Variants in MAGI2 observed in about 807,000 individuals in gnomAD.
The protein encoded by MAGI2 is membrane-associated guanylate kinase, WW and PDZ domain-containing protein 2.
A neutral mutation model predicts 133.3 loss-of-function variants in MAGI2; 35 were observed. The observed-to-expected ratio is 0.26, with a 90% CI of 0.20 to 0.35. MAGI2 has a LOEUF of 0.35. Ranked by LOEUF, MAGI2 falls within the 10% of genes least tolerant of loss-of-function variation. The pLI is 1.00. For missense variants in MAGI2, 1,636 were observed against 1,863.4 expected, an observed-to-expected ratio of 0.88 and a Z score of 2.25; for synonymous variants, 729 against 710.6, an observed-to-expected ratio of 1.03 and a Z score of -0.41.
At position 78,216,309 on chromosome 7, in the gene MAGI2, G is replaced by A. The variant is rs549029501; in HGVS notation, c.2048-15116C>T. ...ACTGTCAGGTCCTGCCTGGCCTACTGCAGCCAACCTACCTGCCTCCTGCTC... is the reference window on the plus strand; with the variant it reads ...ACTGTCAGGTCCTGCCTGGCCTACTACAGCCAACCTACCTGCCTCCTGCTC... On this transcript the variant is annotated intron_variant, in intron 10 of 21. Coordinates refer to ENST00000354212, the MANE Select transcript of MAGI2 (RefSeq NM_012301.4). Among the ~76,000 whole-genome samples, 14 of 152,328 alleles carry A rather than the reference G, an allele frequency of 9.2e-5. No homozygotes were observed. The South Asian group carries it at 2.9e-3, about 32-fold the overall frequency.
intron 6 of MAGI2, among the ~76,000 whole-genome samples, chr7:78,435,779 C>G (rs904984513): frequency 6.6e-6 from 1 of 152,048 alleles, no homozygotes; most frequent in South Asian, 2.1e-4. Flanking sequence ...AAATCTGGAG[C>G]CCAGAAAACA....
chr7:78,850,068 T>C (rs17390355), intron 2 of MAGI2, among the ~76,000 whole-genome samples: 9,610 of 152,184 alleles, frequency 0.063, 373 homozygotes, highest in Middle Eastern at 0.1. Flanking sequence ...ATAAATTGTA[T>C]AGATGCTTGT....
intron 3 of MAGI2, chr7:78,616,116 C>G (rs1807057298): frequency 6.6e-6 from 1 of 152,184 alleles, no homozygotes; most frequent in African/African-American, 2.4e-5. Flanking sequence ...TAATAAATCC[C>G]AAGTCCCACA....
chr7:79,168,885 G>T, intron 1 of MAGI2, among the ~76,000 whole-genome samples: 1 of 138,854 alleles, frequency 7.2e-6, no homozygotes, highest in South Asian at 2.5e-4. Context: ...TCTTTCTAAA[G>T]ATAGATATAT....
chr7:79,122,284 T>C (rs770617658), intron 1 of MAGI2, among the ~76,000 whole-genome samples: 3 of 152,162 alleles, frequency 2.0e-5, no homozygotes, highest in Non-Finnish European at 4.4e-5. Context: ...CAGCCATACC[T>C]CTACACATGT....
intron 2 of MAGI2, among the ~76,000 whole-genome samples, chr7:78,772,660 C>T (rs114967478): frequency 8.7e-4 from 132 of 152,294 alleles, no homozygotes; most frequent in African/African-American, 2.9e-3. Context: ...ACTGTTCTTG[C>T]TGGCTTTGTA....
rs1486194979 is a variant in MAGI2 at position 79,324,618 on chromosome 7, T to A, written c.301+128402A>T. Among the ~76,000 whole-genome samples the A allele has an allele frequency of 3.3e-5, 3 of 90,058 alleles. 1 individual carries two copies. Among genetic ancestry groups the A allele is most frequent in the African/African-American group, 1.4e-4 (3 of 21,054 alleles). 59.1% of individuals were successfully genotyped at this position (90,058 alleles called of 152,430 possible). Reference sequence around the variant, plus strand: ...ACAATATATATATAAAAAATATATATAATATATATATTATATATATATAAA... The same window carrying A: ...ACAATATATATATAAAAAATATATAAAATATATATATTATATATATATAAA... On this transcript the variant is annotated intron_variant, in intron 1 of 21. Transcript: ENST00000354212.
chr7:78,891,012 T>G (rs941286856), intron 2 of MAGI2, among the ~76,000 whole-genome samples: 1 of 151,366 alleles, frequency 6.6e-6, no homozygotes, highest in African/African-American at 2.4e-5. Context: ...GAGAGAAGAA[T>G]CAAATAGATG....
chr7:78,565,484 AAAAAG>A (rs1276943542), intron 3 of MAGI2, among the ~76,000 whole-genome samples: 5 of 152,032 alleles, frequency 3.3e-5, no homozygotes, highest in African/African-American at 1.2e-4. Flanking sequence ...TAAAAAAAAA[AAAAAG>A]ATAAGAATTA....
chr7:78,390,269 C>T (rs1305727074), intron 6 of MAGI2, among the ~76,000 whole-genome samples: 2 of 152,098 alleles, frequency 1.3e-5, no homozygotes, highest in Non-Finnish European at 2.9e-5. Context: ...CAATAGAAAA[C>T]TCAAGAAAAT....
intron 15 of MAGI2, among the ~76,000 whole-genome samples, chr7:78,162,276 A>T (rs1040058205): frequency 1.3e-5 from 2 of 151,932 alleles, no homozygotes; most frequent in Non-Finnish European, 2.9e-5. Flanking sequence ...CTGTAATCCC[A>T]GCACTTTGGG....
intron 1 of MAGI2, among the ~76,000 whole-genome samples, chr7:79,227,870 T>C (rs1298355957): frequency 2.0e-5 from 3 of 152,228 alleles, no homozygotes; most frequent in Admixed American, 6.5e-5. Context: ...CTTCCTATCT[T>C]TCCTGTTCTT....
chr7:78,242,870 G>A (rs2150911889), intron 10 of MAGI2, among the ~76,000 whole-genome samples: 1 of 152,134 alleles, frequency 6.6e-6, no homozygotes, highest in Middle Eastern at 3.4e-3. Flanking sequence ...TTGAGCTAAG[G>A]AGTTCAAGAC....
At chr7:78,497,643 A>G (rs747919059) in intron 5 of MAGI2, among the ~76,000 whole-genome samples, 3 of 152,174 alleles carry the variant, frequency 2.0e-5, no homozygotes, top group Non-Finnish European at 2.9e-5. Flanking sequence ...CTCAAAACCT[A>G]TACTGTTTAA....
chr7:79,394,320 G>T (rs1228375880), intron 1 of MAGI2, among the ~76,000 whole-genome samples: 1 of 152,158 alleles, frequency 6.6e-6, no homozygotes, highest in Non-Finnish European at 1.5e-5. Flanking sequence ...GCTATTTGTT[G>T]CACCTGTAAA....
intron 1 of MAGI2, among the ~76,000 whole-genome samples, chr7:79,028,231 GTATGTA>G (rs1810109329): frequency 5.2e-4 from 16 of 30,900 alleles, no homozygotes; most frequent in African/African-American, 1.6e-3. Flanking sequence ...ATATATATAT[GTATGTA>G]TATATATATA....
intron 6 of MAGI2, among the ~76,000 whole-genome samples, chr7:78,482,194 G>A (rs965248137): frequency 6.6e-6 from 1 of 151,814 alleles, no homozygotes. Flanking sequence ...AAACCAAAAA[G>A]CAGTATCTCT....
At chr7:79,327,758 T>G (rs1323731898) in intron 1 of MAGI2, among the ~76,000 whole-genome samples, 1 of 152,058 alleles carries the variant, frequency 6.6e-6, no homozygotes, top group African/African-American at 2.4e-5. Flanking sequence ...TAGATGGAAT[T>G]TGTAAAACAC....
At chr7:78,768,923 C>T (rs1010984509) in intron 2 of MAGI2, among the ~76,000 whole-genome samples, 3 of 152,110 alleles carry the variant, frequency 2.0e-5, no homozygotes, top group East Asian at 1.9e-4. Context: ...GAACCGATTT[C>T]GCACACCCCC....
Sources: gnomAD v4.1 joint callset for allele counts (sites outside exome capture counted in the v4.1 genomes callset) on GRCh38, gnomAD v4.1.1 for gene constraint, MANE v1.5 for transcripts, NCBI Gene and HGNC (gene_info 2026-07-23, HGNC 2026-07-21) for gene names.